The following EMSY variants were observed in gnomAD, a reference collection of about 807,000 sequenced individuals.
EMSY encodes the protein BRCA2-interacting transcriptional repressor EMSY.
A neutral mutation model predicts 134.6 loss-of-function variants in EMSY; 26 were observed. The ratio of observed to expected loss-of-function variants is 0.19; its 90% CI spans 0.14 to 0.27. The LOEUF (loss-of-function observed/expected upper bound fraction) is 0.27. EMSY is among the 10% of genes least tolerant of loss of function. The pLI is 1.00. For missense variants in EMSY, 1,305 were observed against 1,611.4 expected, an observed-to-expected ratio of 0.81 and a Z score of 3.26; for synonymous variants, 579 against 577.8, an observed-to-expected ratio of 1.00 and a Z score of -0.03.
chr11:76,518,795 A>G (rs1223429294), intron 11 of EMSY, among the ~76,000 whole-genome samples: 1 of 148,232 alleles, frequency 6.7e-6, no homozygotes, highest in Non-Finnish European at 1.5e-5. Flanking sequence ...GTAGTTTGAC[A>G]TGCCCCCCTC....
Position 76,496,142 on chromosome 11 carries a change from A to G in EMSY, c.1109-73A>G, listed in dbSNP as rs188375960. On this transcript the variant is annotated intron_variant, in intron 8 of 20. Coordinates refer to ENST00000334736, the Ensembl canonical transcript of EMSY. ...TTCCCTATTCTTTAAACTATTATCT[A>G]CTATAATAACCAGAAGTAACTTTAA... 1.1e-5 allele frequency: 16 copies of G among 1,432,906 alleles called. No homozygotes were observed. In the East Asian group the frequency reaches 3.7e-4, roughly 33 times the overall value. The allele number at this position is 1,432,906 out of a possible 1,614,324, so 88.8% of individuals were successfully genotyped here. A position where few individuals can be genotyped will look rare whatever the true frequency, so the allele number is the denominator to read the frequency against.
intron 11 of EMSY, among the ~76,000 whole-genome samples, chr11:76,519,948 A>G (rs900419234): frequency 6.6e-6 from 1 of 152,166 alleles, no homozygotes; most frequent in Non-Finnish European, 1.5e-5. Context: ...ACAGAGGAAT[A>G]TATACATGAG....
chr11:76,535,575 G>A (rs984464578), intron 14 of EMSY, among the ~76,000 whole-genome samples: 5 of 152,142 alleles, frequency 3.3e-5, no homozygotes, highest in Middle Eastern at 3.4e-3. Context: ...TTACATGTCC[G>A]TCTCCCCAGC....
Position 76,547,481 on chromosome 11 carries a change from G to A in EMSY, c.3774+1184G>A, listed in dbSNP as rs564596571. 5.6e-4 allele frequency among the ~76,000 whole-genome samples: 85 copies of A among 152,322 alleles called. 1 individual carries two copies. Among genetic ancestry groups the A allele is most frequent in the South Asian group, 5.0e-3 (24 of 4,828 alleles). On this transcript the variant is annotated intron_variant, in intron 20 of 20. Coordinates refer to ENST00000334736, the Ensembl canonical transcript of EMSY. ...TTCCCCTGAAGAGGTAAGGTGTGGTGGAAAAGGAATGGTTTTCTGGCTTTG... is the reference window on the plus strand; with the variant it reads ...TTCCCCTGAAGAGGTAAGGTGTGGTAGAAAAGGAATGGTTTTCTGGCTTTG...
intron 3 of EMSY, among the ~76,000 whole-genome samples, 190 bp downstream of exon 3, chr11:76,452,147 GTAATCCAGAATGAATA>G (rs1565269749): frequency 1.3e-5 from 2 of 152,220 alleles, no homozygotes; most frequent in Non-Finnish European, 2.9e-5. Context: ...CATTTATTGT[GTAATCCAGAATGAATA>G]TAATCCAGAA....
At chr11:76,550,925 A>G (rs1180695577) in exon 21 of EMSY, 2 of 152,728 alleles carry the variant, frequency 1.3e-5, no homozygotes, top group African/African-American at 2.4e-5. Context: ...TCTTCCTTTA[A>G]GAAAACTTAC....
At chr11:76,523,676 AAATT>A (rs1045773444) in intron 12 of EMSY, among the ~76,000 whole-genome samples, 10 of 148,778 alleles carry the variant, frequency 6.7e-5, no homozygotes, top group African/African-American at 2.3e-4. Context: ...GATTAAGACT[AAATT>A]AATTGATGGG....
At chr11:76,518,684 C>CATAT (rs796392038) in intron 11 of EMSY, among the ~76,000 whole-genome samples, 4,980 of 121,552 alleles carry the variant, frequency 0.041, 151 homozygotes, top group Non-Finnish European at 0.049. Flanking sequence ...TGTGTGCGCG[C>CATAT]ATATATATAT....
At chr11:76,507,865 C>CTTT (rs55756987) in intron 9 of EMSY, among the ~76,000 whole-genome samples, 59 of 118,600 alleles carry the variant, frequency 5.0e-4, no homozygotes, top group Non-Finnish European at 5.9e-4. Context: ...TTTTCTTTTT[C>CTTT]TTTTTTTTTT....
intron 14 of EMSY, among the ~76,000 whole-genome samples, chr11:76,534,600 G>T (rs1951160886): frequency 1.3e-5 from 2 of 151,938 alleles, no homozygotes; most frequent in Admixed American, 6.6e-5. Flanking sequence ...CAACTTTGTG[G>T]CTTTAAAAAA....
At chr11:76,480,224 A>G (rs1189303800) in intron 8 of EMSY, among the ~76,000 whole-genome samples, 2 of 152,228 alleles carry the variant, frequency 1.3e-5, no homozygotes, top group African/African-American at 2.4e-5. Context: ...GATGCCAAGG[A>G]CAGAATAACT....
rs750884526 is a variant in EMSY, at chr11:76,447,013, G to T, written c.70+5G>T. On this transcript the variant is annotated splice_donor_5th_base_variant and intron_variant, in intron 2 of 20. Transcript: ENST00000334736. ...AAAGAATTCTTCGAAAATTGGGTATGACGTTCATTGTTTGTTTTTTACCTC... is the reference window on the plus strand; with the variant it reads ...AAAGAATTCTTCGAAAATTGGGTATTACGTTCATTGTTTGTTTTTTACCTC... 6 of 1,613,108 alleles carry T rather than the reference G, an allele frequency of 3.7e-6. No individual in the cohort carries two copies. The East Asian group carries it at 1.3e-4, about 36-fold the overall frequency.
chr11:76,502,696 A>G (rs187184754), intron 9 of EMSY, among the ~76,000 whole-genome samples: 57 of 152,240 alleles, frequency 3.7e-4, no homozygotes, highest in African/African-American at 1.4e-3. Flanking sequence ...TTCCATTTAT[A>G]ATAGCACCAA....
At chr11:76,531,034 C>G (rs1447184136) in intron 14 of EMSY, among the ~76,000 whole-genome samples, 3 of 152,026 alleles carry the variant, frequency 2.0e-5, no homozygotes, top group African/African-American at 7.2e-5. Context: ...ACATTTTGCC[C>G]TATTTGCTTT....
intron 2 of EMSY, among the ~76,000 whole-genome samples, chr11:76,448,985 C>T (rs1947539353): frequency 6.6e-6 from 1 of 152,022 alleles, no homozygotes; most frequent in South Asian, 2.1e-4. Context: ...TCTCCCCTTC[C>T]CTATTTTTGT....
At position 76,491,004 on chromosome 11, in the gene EMSY, C is replaced by T. The variant is rs547541135; in HGVS notation, c.1109-5211C>T. ...TCTCTGATAGTGAAAAACCTAACTT[C>T]TATTATCTCGAATATACTTATATAT... On this transcript the variant is annotated intron_variant, in intron 8 of 20. Coordinates refer to ENST00000334736, the Ensembl canonical transcript of EMSY. Among the ~76,000 whole-genome samples the T allele has an allele frequency of 2.6e-5, 4 of 152,160 alleles. No homozygotes were observed. In the East Asian group the frequency reaches 7.7e-4, roughly 29 times the overall value.
Position 76,446,864 on chromosome 11 carries a change from C to A in EMSY, c.-39-36C>A. The A allele has an allele frequency of 2.8e-6, 4 of 1,451,700 alleles. No individual in the cohort carries two copies. In the South Asian group the frequency reaches 4.9e-5, roughly 18 times the overall value. 89.9% of individuals were successfully genotyped at this position (1,451,700 alleles called of 1,614,324 possible). ...GTGGCCCCTTGAATGTACTTTGGTA[C>A]TTTGGTAATTTGACTTTTTTTTTTT... On this transcript the variant is annotated intron_variant, in intron 1 of 20. Transcript: ENST00000334736.
chr11:76,477,239 G>A (rs1300250157), intron 8 of EMSY, among the ~76,000 whole-genome samples: 2 of 148,010 alleles, frequency 1.4e-5, no homozygotes, highest in Non-Finnish European at 3.0e-5. Flanking sequence ...TCTTTTCTCT[G>A]TAGTCAAGCA....
At chr11:76,453,242 T>A in intron 3 of EMSY, 72 bp from the exon 4 acceptor site, 1 of 1,431,582 alleles carries the variant, frequency 7.0e-7, no homozygotes, top group East Asian at 2.4e-5. Context: ...AAATGTTGAC[T>A]TAAACATTAA....
Sources: allele counts gnomAD v4.1 joint callset (sites outside exome capture counted in the v4.1 genomes callset), GRCh38; gene constraint gnomAD v4.1.1; transcripts MANE v1.5; gene names NCBI Gene and HGNC (gene_info 2026-07-23, HGNC 2026-07-21).